THSD4: variants seen among roughly 807,000 people sequenced by gnomAD.
THSD4 encodes the protein thrombospondin type 1 domain containing 4.
THSD4 carries 69 observed loss-of-function variants against 119.0 expected under a neutral mutation model. The ratio of observed to expected loss-of-function variants is 0.58; its 90% confidence interval spans 0.48 to 0.71. THSD4 has a LOEUF of 0.71. Ranked by LOEUF, THSD4 falls within the 30% of genes least tolerant of loss-of-function variation. THSD4 has a pLI of 0.00. For synonymous variants in THSD4, 524 were observed against 540.4 expected (o/e 0.97, Z 0.42); for missense variants, 1,393 against 1,391.1 (o/e 1.00, Z -0.02).
intron 6 of THSD4, among the ~76,000 whole-genome samples, chr15:71,410,829 CAA>C (rs145319599): frequency 1.2e-3 from 190 of 152,200 alleles, no homozygotes; most frequent in African/African-American, 4.5e-3. Context: ...GTCAGGAGTT[CAA>C]GACTGGCCTG....
At position 71,744,783 on chromosome 15, in the gene THSD4, T is replaced by A. The variant is rs75742834; in HGVS notation, c.1907-323T>A. Among the ~76,000 whole-genome samples, 196 of 152,356 alleles carry A rather than the reference T, an allele frequency of 1.3e-3. 1 individual carries two copies. Among genetic ancestry groups the A allele is most frequent in the African/African-American group, 4.5e-3 (189 of 41,582 alleles). ...TATAATCATTCCCCTGCCTAGGGAA[T>A]CTCTCTTTTGTTATCTTGAACTATA... On this transcript the variant is annotated intron_variant, in intron 11 of 17. Coordinates refer to ENST00000261862, the MANE Select transcript of THSD4 (RefSeq NM_024817.3).
At chr15:71,108,894 A>C (rs1453192917) in intron 1 of THSD4, among the ~76,000 whole-genome samples, 1 of 152,208 alleles carries the variant, frequency 6.6e-6, no homozygotes, top group Non-Finnish European at 1.5e-5. Context: ...CAGGAGGCTG[A>C]GGCAGGAGAA....
intron 6 of THSD4, among the ~76,000 whole-genome samples, chr15:71,257,389 T>C (rs967673444): frequency 1.3e-5 from 2 of 152,010 alleles, no homozygotes; most frequent in African/African-American, 4.8e-5. Context: ...AGAAGAGGTG[T>C]TGGGTCAAGC....
chr15:71,666,089 TG>T (rs1488911177), intron 8 of THSD4, among the ~76,000 whole-genome samples: 10 of 152,228 alleles, frequency 6.6e-5, no homozygotes, highest in Admixed American at 3.9e-4. Flanking sequence ...TAAATTGCTT[TG>T]GGCAGTATAG....
chr15:71,715,989 A>C (rs1489138526), intron 8 of THSD4, among the ~76,000 whole-genome samples: 2 of 152,306 alleles, frequency 1.3e-5, no homozygotes, highest in East Asian at 3.9e-4. Flanking sequence ...TGGGTGGATT[A>C]AAACAACAGA....
At chr15:71,473,281 C>T (rs2047609793) in intron 7 of THSD4, among the ~76,000 whole-genome samples, 1 of 152,146 alleles carries the variant, frequency 6.6e-6, no homozygotes. Context: ...TGGTCTCCAA[C>T]TCCTGGGCTC....
chr15:71,134,538 G>A (rs1300964792), intron 1 of THSD4, among the ~76,000 whole-genome samples: 5 of 152,210 alleles, frequency 3.3e-5, no homozygotes, highest in African/African-American at 1.2e-4. Context: ...AACTCGTGCC[G>A]TTCATTCTTC....
At chr15:71,496,325 T>A (rs1210635600) in intron 7 of THSD4, among the ~76,000 whole-genome samples, 1 of 152,208 alleles carries the variant, frequency 6.6e-6, no homozygotes, top group East Asian at 1.9e-4. Context: ...TTACTGAGAT[T>A]GAGAATGGGC....
chr15:71,768,350 A>C (rs895182545), intron 16 of THSD4, among the ~76,000 whole-genome samples: 2 of 152,156 alleles, frequency 1.3e-5, no homozygotes, highest in Admixed American at 1.3e-4. Context: ...TAGAGCATAG[A>C]GGAACACGAA....
rs575952255 is a variant in THSD4 at position 71,561,450 on chromosome 15, A to G, written c.1153-99080A>G. ...GGAGAAAGATTCTTTATATAGACTAAGGGAATTGTGAAATCTGTGAGTGGG... is the reference window on the plus strand; with the variant it reads ...GGAGAAAGATTCTTTATATAGACTAGGGGAATTGTGAAATCTGTGAGTGGG... On this transcript the variant is annotated intron_variant, in intron 7 of 17. Coordinates refer to ENST00000261862, the MANE Select transcript of THSD4 (RefSeq NM_024817.3). 2.6e-5 allele frequency among the ~76,000 whole-genome samples: 4 copies of G among 152,322 alleles called. No homozygotes were observed. The East Asian group carries it at 7.7e-4, about 29-fold the overall frequency.
intron 7 of THSD4, among the ~76,000 whole-genome samples, chr15:71,581,948 A>G (rs147612766): frequency 3.9e-4 from 59 of 152,266 alleles, no homozygotes; most frequent in African/African-American, 1.4e-3. Context: ...AAAGTGTGAT[A>G]CTTTCAGCTT....
chr15:71,346,876 T>TC (rs1374361675), intron 6 of THSD4, among the ~76,000 whole-genome samples: 1 of 135,800 alleles, frequency 7.4e-6, no homozygotes, highest in Non-Finnish European at 1.6e-5. Context: ...TTCTTTTTTT[T>TC]TTTTTTTTTT....
chr15:71,582,108 T>A (rs1328530649), intron 7 of THSD4, among the ~76,000 whole-genome samples: 2 of 152,160 alleles, frequency 1.3e-5, no homozygotes, highest in Non-Finnish European at 2.9e-5. Flanking sequence ...AGTATGGACA[T>A]CTTTAATTCT....
chr15:71,174,694 C>A (rs550733434), intron 3 of THSD4, among the ~76,000 whole-genome samples: 2,255 of 143,910 alleles, frequency 0.016, 32 homozygotes, highest in South Asian at 0.045. Flanking sequence ...AGGGCACAGA[C>A]AAACAAAAAG....
chr15:71,540,877 C>G (rs1326308754), intron 7 of THSD4, among the ~76,000 whole-genome samples: 1 of 151,868 alleles, frequency 6.6e-6, no homozygotes, highest in East Asian at 1.9e-4. Context: ...CACGTGCCAC[C>G]ACACTCAGCT....
chr15:71,590,132 C>T lies in THSD4; in HGVS notation c.1153-70398C>T, dbSNP rs1198593857. 1.2e-4 allele frequency among the ~76,000 whole-genome samples: 16 copies of T among 138,732 alleles called. 2 individuals carry two copies. Among genetic ancestry groups the T allele is most frequent in the Admixed American group, 1.1e-3 (15 of 13,770 alleles). 91.0% of individuals were successfully genotyped at this position (138,732 alleles called of 152,430 possible). On this transcript the variant is annotated intron_variant, in intron 7 of 17. Coordinates refer to ENST00000261862, the MANE Select transcript of THSD4 (RefSeq NM_024817.3). The stretch of plus-strand genomic sequence containing the variant: ...GAGGGGAATGGAGTTGAGGGAAGGA[C>T]GTTCAGTCATATCTGTTGGGTTAAG...
chr15:71,310,911 G>A (rs2045102329), intron 6 of THSD4, among the ~76,000 whole-genome samples: 1 of 152,094 alleles, frequency 6.6e-6, no homozygotes, highest in African/African-American at 2.4e-5. Flanking sequence ...GTTTTGGGGT[G>A]TTGTTTACTG....
intron 4 of THSD4, among the ~76,000 whole-genome samples, chr15:71,228,938 G>C (rs2044038924): frequency 6.6e-6 from 1 of 152,198 alleles, no homozygotes; most frequent in South Asian, 2.1e-4. Context: ...TCAGTGATTG[G>C]ACCACAGTTC....
At chr15:71,227,627 C>G (rs1302584826) in intron 4 of THSD4, among the ~76,000 whole-genome samples, 1 of 152,186 alleles carries the variant, frequency 6.6e-6, no homozygotes. Flanking sequence ...TCAACCAGCC[C>G]CAGTTTACAG....
Sources: gnomAD v4.1 joint callset for allele counts (sites outside exome capture counted in the v4.1 genomes callset) on GRCh38, gnomAD v4.1.1 for gene constraint, MANE v1.5 for transcripts, NCBI Gene and HGNC (gene_info 2026-07-23, HGNC 2026-07-21) for gene names.